The following MAML3 variants were observed in gnomAD, a reference collection of about 807,000 sequenced individuals.
MAML3 encodes the protein mastermind like transcriptional coactivator 3, also known as mastermind-like protein 3.
In MAML3, 27 loss-of-function variants were observed where a neutral mutation model predicts 101.9. The observed-to-expected ratio is 0.27, with a 90% confidence interval of 0.20 to 0.37. The LOEUF is 0.37. MAML3 is among the 10% of genes least tolerant of loss of function. The probability of loss-of-function intolerance (pLI) is 1.00; values close to 1 mark genes in which losing one functional copy is unlikely to be tolerated. For synonymous variants in MAML3, 501 were observed against 555.9 expected (o/e 0.90, Z 1.39); for missense variants, 1,316 against 1,444.9 (o/e 0.91, Z 1.45).
At chr4:139,885,920 A>AGAGGG (rs1429298458) in intron 2 of MAML3, among the ~76,000 whole-genome samples, 1 of 12,342 alleles carries the variant, frequency 8.1e-5, no homozygotes, top group Non-Finnish European at 2.8e-4. Flanking sequence ...GCGACAGGGC[A>AGAGGG]AGACTCCGTC....
chr4:140,126,413 C>CCAGGAGACTGGTCCTT (rs1209929892), intron 1 of MAML3, among the ~76,000 whole-genome samples: 5 of 152,116 alleles, frequency 3.3e-5, no homozygotes, highest in Non-Finnish European at 7.4e-5. Context: ...TTGCCAAATC[C>CCAGGAGACTGGTCCTT]CAGGAGACTG....
intron 2 of MAML3, among the ~76,000 whole-genome samples, chr4:139,737,109 C>T (rs914035245): frequency 2.0e-5 from 3 of 152,094 alleles, no homozygotes; most frequent in Admixed American, 6.6e-5. Context: ...CCCTATAATG[C>T]CCTTGCTAAG....
chr4:139,952,269 T>C (rs1012851220), intron 1 of MAML3, among the ~76,000 whole-genome samples: 1 of 152,188 alleles, frequency 6.6e-6, no homozygotes, highest in African/African-American at 2.4e-5. Context: ...CTTGGCTCTA[T>C]CTGGGTTAGA....
At chr4:140,093,416 G>GTTTT (rs561107578) in intron 1 of MAML3, among the ~76,000 whole-genome samples, 185 of 121,396 alleles carry the variant, frequency 1.5e-3, no homozygotes, top group East Asian at 2.2e-3. Context: ...ATGTTTGTTT[G>GTTTT]TTTTTTTTTT....
chr4:140,085,283 C>G (rs1197301318), intron 1 of MAML3, among the ~76,000 whole-genome samples: 1 of 152,170 alleles, frequency 6.6e-6, no homozygotes, highest in Non-Finnish European at 1.5e-5. Flanking sequence ...AGTTACTCAT[C>G]TTGCTTTGCA....
At chr4:139,846,392 G>A (rs544092959) in intron 2 of MAML3, among the ~76,000 whole-genome samples, 71 of 152,124 alleles carry the variant, frequency 4.7e-4, no homozygotes, top group Non-Finnish European at 8.2e-4. Flanking sequence ...TGTCACCCAG[G>A]CTGGAGTGCA....
chr4:139,792,767 C>T (rs1275212638), intron 2 of MAML3, among the ~76,000 whole-genome samples: 4 of 145,488 alleles, frequency 2.7e-5, no homozygotes, highest in African/African-American at 7.7e-5. Flanking sequence ...TTTTTTGAGA[C>T]GGAGTCTTGC....
intron 2 of MAML3, among the ~76,000 whole-genome samples, chr4:139,816,771 T>G (rs774277009): frequency 6.6e-6 from 1 of 152,082 alleles, no homozygotes; most frequent in Non-Finnish European, 1.5e-5. Flanking sequence ...TGCTTGGTTC[T>G]AGAAAACTAA....
chr4:139,723,575 G>A (rs940458024), intron 4 of MAML3, among the ~76,000 whole-genome samples: 6 of 152,094 alleles, frequency 3.9e-5, no homozygotes, highest in Non-Finnish European at 5.9e-5. Flanking sequence ...GCCTCCCAAC[G>A]TGCTGGGATT....
chr4:140,057,572 A>G (rs996739246), intron 1 of MAML3, among the ~76,000 whole-genome samples: 12 of 152,308 alleles, frequency 7.9e-5, no homozygotes, highest in African/African-American at 2.9e-4. Context: ...AAATCTTTCT[A>G]AAACATTAGA....
chr4:140,134,080 G>A (rs777921075), intron 1 of MAML3: 15 of 456,436 alleles, frequency 3.3e-5, no homozygotes, highest in South Asian at 2.3e-4. Flanking sequence ...AAAACCTCCA[G>A]GACTGGCTAT....
chr4:140,075,501 T>G (rs1393914141), intron 1 of MAML3, among the ~76,000 whole-genome samples: 2 of 152,222 alleles, frequency 1.3e-5, no homozygotes, highest in Non-Finnish European at 2.9e-5. Context: ...TTATATATTT[T>G]AAAGCACAAT....
intron 1 of MAML3, among the ~76,000 whole-genome samples, chr4:140,023,640 AG>A (rs1726773072): frequency 6.6e-6 from 1 of 152,232 alleles, no homozygotes; most frequent in South Asian, 2.1e-4. Flanking sequence ...CTTTTAAAAA[AG>A]TTTCTTGTGC....
intron 1 of MAML3, among the ~76,000 whole-genome samples, chr4:140,005,131 T>C (rs1726423774): frequency 6.6e-6 from 1 of 152,226 alleles, no homozygotes; most frequent in Non-Finnish European, 1.5e-5. Context: ...GTGGTGTTGC[T>C]ACCCTTTGTC....
At chr4:139,740,619 A>C (rs997203186) in intron 2 of MAML3, 2 of 152,074 alleles carry the variant, frequency 1.3e-5, no homozygotes, top group African/African-American at 2.4e-5. Flanking sequence ...TGAAGTCATC[A>C]AAGCAAAGAT....
intron 2 of MAML3, among the ~76,000 whole-genome samples, chr4:139,871,436 C>A (rs763845711): frequency 6.6e-6 from 1 of 152,100 alleles, no homozygotes; most frequent in Non-Finnish European, 1.5e-5. Flanking sequence ...CTGTCCCCAC[C>A]CCTGCCCACA....
At chr4:140,107,457 CTGA>C (rs1385526427) in intron 1 of MAML3, among the ~76,000 whole-genome samples, 1 of 151,056 alleles carries the variant, frequency 6.6e-6, no homozygotes, top group Non-Finnish European at 1.5e-5. Flanking sequence ...CCTGTTCTGT[CTGA>C]TATGTCCTCT....
chr4:139,917,944 C>T (rs1204806517), intron 1 of MAML3, among the ~76,000 whole-genome samples: 5 of 152,128 alleles, frequency 3.3e-5, no homozygotes, highest in Admixed American at 2.6e-4. Context: ...ATACTTGAGG[C>T]GAGTCCCTTT....
At position 139,735,909 on chromosome 4, in the gene MAML3, G is replaced by C. The variant is rs28409956; in HGVS notation, c.2080-5242C>G. ...GAGGGGCCCTGGAGGTCCTCGGCCC[G>C]CGCGCGCCGCTCGGGAGCCCGCGAG... On this transcript the variant is annotated intron_variant, in intron 2 of 4. Coordinates refer to ENST00000509479, the MANE Select transcript of MAML3 (RefSeq NM_018717.5). This position sits in a 1 kb window ranked among gnomAD's most constrained non-coding sequence, Gnocchi z 5.8. Among the ~76,000 whole-genome samples the C allele has an allele frequency of 6.6e-6, 1 of 151,908 alleles. No homozygotes were observed. The highest frequency in any genetic ancestry group is 2.4e-5 in the African/African-American group (1 of 41,394).
Sources: allele counts gnomAD v4.1 joint callset (sites outside exome capture counted in the v4.1 genomes callset), GRCh38; gene constraint gnomAD v4.1.1; non-coding constraint Gnocchi (gnomAD v3.1); transcripts MANE v1.5; gene names NCBI Gene and HGNC (gene_info 2026-07-23, HGNC 2026-07-21).